EIF4A3: variants seen among roughly 807,000 people sequenced by gnomAD.
EIF4A3 encodes the protein eukaryotic initiation factor 4A-III.
In EIF4A3, 1 loss-of-function variant was observed where a neutral mutation model predicts 55.6. The ratio of observed to expected loss-of-function variants is 0.02; its 90% CI spans 0.01 to 0.09. The LOEUF (loss-of-function observed/expected upper bound fraction) is 0.09. Ranked by LOEUF, EIF4A3 falls within the 10% of genes least tolerant of loss-of-function variation. The pLI is 1.00. For missense variants in EIF4A3, 221 were observed against 540.7 expected, an observed-to-expected ratio of 0.41 and a Z score of 5.86; for synonymous variants, 194 against 196.3, an observed-to-expected ratio of 0.99 and a Z score of 0.10.
intron 4 of EIF4A3, 189 bp from the exon 5 acceptor site, chr17:80,140,329 T>C: frequency 8.7e-6 from 6 of 693,328 alleles, no homozygotes; most frequent in Non-Finnish European, 1.3e-5. Context: ...TTTTTTTTTT[T>C]TTGAGACGGA....
chr17:80,135,545 A>G, intron 11 of EIF4A3, 39 bp from the exon 12 acceptor site: 1 of 1,514,978 alleles, frequency 6.6e-7, no homozygotes, highest in African/African-American at 1.4e-5. Context: ...GAACAACACA[A>G]ACAAAATGAA....
At chr17:80,142,472 C>T (rs954008653) in intron 2 of EIF4A3, among the ~76,000 whole-genome samples, 3 of 152,146 alleles carry the variant, frequency 2.0e-5, no homozygotes, top group Admixed American at 6.5e-5. Flanking sequence ...CATGTCACGG[C>T]GTGGTGGCTC....
chr17:80,145,099 G>A (rs963069908), intron 1 of EIF4A3, among the ~76,000 whole-genome samples: 5 of 152,190 alleles, frequency 3.3e-5, no homozygotes, highest in South Asian at 2.1e-4. Context: ...TCTTCATGAA[G>A]AGCAAGCACA....
At chr17:80,136,693 C>T (rs922352372) in intron 9 of EIF4A3, 6 of 213,994 alleles carry the variant, frequency 2.8e-5, no homozygotes, top group South Asian at 2.7e-4. Flanking sequence ...CCGGGCATGG[C>T]GGCGGCTTAT....
At chr17:80,140,234 G>A (rs74003638) in intron 4 of EIF4A3, 94 bp from the exon 5 acceptor site, 220,044 of 1,330,262 alleles carry the variant, frequency 0.17, 19,365 homozygotes, top group Middle Eastern at 0.22. Context: ...GATGATCACC[G>A]ATTATTATTT....
At chr17:80,138,073 A>AT in intron 8 of EIF4A3, 69 bp downstream of exon 8, 2 of 1,567,104 alleles carry the variant, frequency 1.3e-6, no homozygotes, top group Non-Finnish European at 1.7e-6. Context: ...AAAAATCTTG[A>AT]TTTATGTCAT....
chr17:80,137,287 C>T, intron 9 of EIF4A3, 99 bp downstream of exon 9: 1 of 1,012,622 alleles, frequency 9.9e-7, no homozygotes, highest in South Asian at 1.8e-5. Context: ...AGCTTGGCAT[C>T]CCCCCGGGTG....
At position 80,141,377 on chromosome 17, in the gene EIF4A3, C is replaced by T. The variant is rs756516726; in HGVS notation, c.314G>A (p.Arg105His). ...SVLQCLDIQVRETQALILAPT... is the reference protein window; with the variant it reads ...SVLQCLDIQVHETQALILAPT... Reference sequence around the variant, plus strand: ...AGCCAAGATCAAAGCTTGAGTTTCACGAACCTGGTGAAATAATTTATCAGA... The same window carrying T: ...AGCCAAGATCAAAGCTTGAGTTTCATGAACCTGGTGAAATAATTTATCAGA... Residue 105 changes from arginine (R) to histidine (H), a missense_variant, in exon 4 of 12, where the codon CGT (arginine) becomes CAT (histidine). Around this residue, in one of 4 missense-constraint regions of EIF4A3, gnomAD observed 85 missense variants for 205.8 expected, o/e 0.41. Coordinates refer to ENST00000649764, the MANE Select transcript of EIF4A3 (RefSeq NM_014740.4). 1.2e-5 allele frequency: 19 copies of T among 1,613,474 alleles called. No individual in the cohort carries two copies. The highest frequency in any genetic ancestry group is 2.2e-5 in the South Asian group (2 of 91,062).
Position 80,147,089 on chromosome 17 carries a change from G to C in EIF4A3, c.-128C>G. On this transcript the variant is annotated 5_prime_UTR_variant, in exon 1 of 12. Transcript: ENST00000649764. ...GCTGTGCCGCTGCCGACCTCGCTGT[G>C]CCGCTGCCGACCTCGCTGTGCCGCT... The C allele has an allele frequency of 7.5e-7, 1 of 1,328,680 alleles. No individual in the cohort carries two copies. The highest frequency in any genetic ancestry group is 1.6e-5 in the South Asian group (1 of 61,792). The allele number at this position is 1,328,680 out of a possible 1,614,324, so 82.3% of individuals were successfully genotyped here.
chr17:80,146,630 A>G (rs2039665582), intron 1 of EIF4A3, among the ~76,000 whole-genome samples, 163 bp downstream of exon 1: 1 of 151,928 alleles, frequency 6.6e-6, no homozygotes, highest in Admixed American at 6.5e-5. Context: ...GAGGGCGAGG[A>G]CGGGGGTGGG....
intron 9 of EIF4A3, 171 bp from the exon 10 acceptor site, chr17:80,136,506 AC>A: frequency 3.3e-6 from 2 of 601,730 alleles, no homozygotes; most frequent in Middle Eastern, 4.5e-4. Flanking sequence ...AGCACCAGAA[AC>A]CCCTGTGCAG....
Position 80,135,766 on chromosome 17 carries a change from G to C in EIF4A3, c.1219+238C>G, listed in dbSNP as rs780791622. The C allele has an allele frequency of 6.5e-6, 4 of 612,424 alleles. 1 individual carries two copies. The highest frequency in any genetic ancestry group is 4.1e-5 in the South Asian group (2 of 48,646). 37.9% of individuals were successfully genotyped at this position (612,424 alleles called of 1,614,324 possible). A position where few individuals can be genotyped will look rare whatever the true frequency, so the allele number is the denominator to read the frequency against. ...CAAAAATTAGCTGGCTATGGTGCAC[G>C]TGTCTGTAATTCCAGCTACTCAGGA... On this transcript the variant is annotated intron_variant, in intron 11 of 11. Transcript: ENST00000649764.
At position 80,141,386 on chromosome 17, in the gene EIF4A3, T is replaced by G; in HGVS notation, c.310-5A>C. 6.2e-7 allele frequency: 1 copy of G among 1,613,516 alleles called. No individual in the cohort carries two copies. Among genetic ancestry groups the G allele is most frequent in the Non-Finnish European group, 8.5e-7 (1 of 1,179,542 alleles). ...CAAAGCTTGAGTTTCACGAACCTGGTGAAATAATTTATCAGAAAATAGAGA... is the reference window on the plus strand; with the variant it reads ...CAAAGCTTGAGTTTCACGAACCTGGGGAAATAATTTATCAGAAAATAGAGA... On this transcript the variant is annotated splice_polypyrimidine_tract_variant and splice_region_variant and intron_variant, in intron 3 of 11. Transcript: ENST00000649764.
In EIF4A3 at chr17:80,136,023, A is replaced by C; in HGVS notation, c.1200T>G (p.Ile400Met). ...TCCTACCGTTCATCGGCATCTCATC[A>C]ATCTGAGTGGAATAGTACTGCTCGA... ...RDIEQYYSTQ[I>M]DEMPMNVADL... Residue 400 changes from isoleucine to methionine, a missense_variant, in exon 11 of 12, where the codon ATT becomes ATG. This residue lies in a region of EIF4A3 where 93 missense variants were observed against 278.5 expected (regional missense o/e 0.33). Coordinates refer to ENST00000649764, the MANE Select transcript of EIF4A3 (RefSeq NM_014740.4). 1.2e-6 allele frequency: 2 copies of C among 1,614,060 alleles called. No homozygotes were observed. Among genetic ancestry groups the C allele is most frequent in the Non-Finnish European group, 1.7e-6 (2 of 1,180,026 alleles).
chr17:80,139,371 T>A, intron 6 of EIF4A3: 1 of 693,968 alleles, frequency 1.4e-6, no homozygotes, highest in South Asian at 2.1e-5. Context: ...GTTGAGGGAA[T>A]CTGGTTTCCC....
In EIF4A3 at chr17:80,135,865, A is replaced by T. The variant is rs997139708; in HGVS notation, c.1219+139T>A. ...AGCCGAAATCGCGCCACTGCACTCC[A>T]GCCTGGGTGACAGAGCGAAACTTCG... is the stretch of plus-strand genomic sequence containing the variant. On this transcript the variant is annotated intron_variant, in intron 11 of 11. Transcript: ENST00000649764. 2.4e-4 allele frequency: 288 copies of T among 1,209,462 alleles called. 3 individuals carry two copies. The East Asian group carries it at 6.7e-3, about 28-fold the overall frequency. The allele number at this position is 1,209,462 out of a possible 1,614,324, so 74.9% of individuals were successfully genotyped here.
At position 80,140,143 on chromosome 17, in the gene EIF4A3, GA is replaced by G; in HGVS notation, c.373-4del. The G allele has an allele frequency of 6.3e-7, 1 of 1,592,028 alleles. No individual in the cohort carries two copies. Among genetic ancestry groups the G allele is most frequent in the Admixed American group, 1.8e-5 (1 of 56,122 alleles). ...TAGTCACCGAGAGCAAGCAGCCCCT[GA>G]AACAAAGCACAGGTTCACGTCCAGG... is the stretch of plus-strand genomic sequence containing the variant. On this transcript the variant is annotated splice_polypyrimidine_tract_variant and splice_region_variant and intron_variant, in intron 4 of 11. Coordinates refer to ENST00000649764, the MANE Select transcript of EIF4A3 (RefSeq NM_014740.4).
Position 80,135,446 on chromosome 17 carries a change from A to T in EIF4A3, c.*44T>A, listed in dbSNP as rs1223725433. 9.1e-6 allele frequency: 14 copies of T among 1,544,472 alleles called. No homozygotes were observed. The highest frequency in any genetic ancestry group is 1.2e-5 in the Non-Finnish European group (14 of 1,145,700). ...GATCTAAATACTTCCAAACAGGAGTACACAGCAGGTGAACAGTCTCCCTCA... is the reference window on the plus strand; with the variant it reads ...GATCTAAATACTTCCAAACAGGAGTTCACAGCAGGTGAACAGTCTCCCTCA... On this transcript the variant is annotated 3_prime_UTR_variant, in exon 12 of 12. Transcript: ENST00000649764.
rs755298107 is a variant in EIF4A3, at chr17:80,140,038, C to T, written c.475G>A (p.Val159Ile). ...DIRKLDYGQH[V>I]VAGTPGRVFD... ...ACACGCCCTGGAGTGCCCGCGACAA[C>T]ATGCTGTCCGTAATCCAGCTTCCTG... The change falls in exon 5 of 12, where the codon GTT becomes ATT. Residue 159 changes from valine (V) to isoleucine (I), a missense_variant. Val to Ile is a conservative substitution (Grantham distance 29). Around this residue, in one of 4 missense-constraint regions of EIF4A3, gnomAD observed 85 missense variants for 205.8 expected, o/e 0.41. Coordinates refer to ENST00000649764, the MANE Select transcript of EIF4A3 (RefSeq NM_014740.4). The T allele has an allele frequency of 6.2e-7, 1 of 1,613,964 alleles. No homozygotes were observed. The highest frequency in any genetic ancestry group is 8.5e-7 in the Non-Finnish European group (1 of 1,179,964).
Sources: gnomAD v4.1 joint callset for allele counts (sites outside exome capture counted in the v4.1 genomes callset) on GRCh38, gnomAD v4.1.1 for gene constraint, gnomAD v4.1.1 regional missense constraint, MANE v1.5 for transcripts, NCBI Gene and HGNC (gene_info 2026-07-23, HGNC 2026-07-21) for gene names.